FRMD4B: variants seen among roughly 807,000 people sequenced by gnomAD.
FRMD4B encodes FERM domain containing 4B.
Under a neutral mutation model 141.5 loss-of-function variants are expected in FRMD4B, and 74 were observed. That is an observed-to-expected ratio of 0.52 (90% confidence interval 0.43 to 0.63). The LOEUF is 0.63. Ranked by LOEUF, FRMD4B falls within the 30% of genes least tolerant of loss-of-function variation. The probability of loss-of-function intolerance (pLI) is 0.00; values close to 1 mark genes in which losing one functional copy is unlikely to be tolerated. For synonymous variants in FRMD4B, 506 were observed against 467.9 expected, an observed-to-expected ratio of 1.08 and a Z score of -1.05; for missense variants, 1,366 against 1,253.4, an observed-to-expected ratio of 1.09 and a Z score of -1.36.
At chr3:69,349,235 G>A (rs1358090183) in intron 1 of FRMD4B, among the ~76,000 whole-genome samples, 7 of 151,928 alleles carry the variant, frequency 4.6e-5, no homozygotes, top group East Asian at 3.9e-4. Flanking sequence ...TGCTTCAAAG[G>A]GAATAAAATA....
At chr3:69,420,380 C>T (rs1258348472) in intron 2 of FRMD4B, among the ~76,000 whole-genome samples, 1 of 151,706 alleles carries the variant, frequency 6.6e-6, no homozygotes, top group Non-Finnish European at 1.5e-5. Context: ...TCTACCTTAC[C>T]TTCATGATCA....
chr3:69,335,267 C>T (rs780048781), intron 1 of FRMD4B, among the ~76,000 whole-genome samples: 1 of 151,984 alleles, frequency 6.6e-6, no homozygotes, highest in African/African-American at 2.4e-5. Context: ...CTTGGCAGAT[C>T]TGAGAAAAGC....
chr3:69,341,840 T>C (rs552109352), intron 1 of FRMD4B, among the ~76,000 whole-genome samples: 4 of 152,322 alleles, frequency 2.6e-5, no homozygotes, highest in East Asian at 1.9e-4. Flanking sequence ...CCTTACCAAA[T>C]TGAGTGCCAG....
intron 20 of FRMD4B, 44 bp from the exon 21 acceptor site, chr3:69,181,754 G>C (rs750145740): frequency 1.0e-5 from 12 of 1,205,950 alleles, no homozygotes; most frequent in Non-Finnish European, 1.4e-5. Context: ...AAGAAGAAAA[G>C]GAGGACCCAA....
intron 2 of FRMD4B, among the ~76,000 whole-genome samples, chr3:69,406,145 A>G (rs1704645381): frequency 6.6e-6 from 1 of 152,198 alleles, no homozygotes; most frequent in African/African-American, 2.4e-5. Flanking sequence ...TTTTCCACAA[A>G]TCGAACACAA....
At chr3:69,188,512 C>G (rs1376690713) in intron 18 of FRMD4B, among the ~76,000 whole-genome samples, 1 of 152,038 alleles carries the variant, frequency 6.6e-6, no homozygotes, top group East Asian at 1.9e-4. Context: ...AATCCCAGCA[C>G]TTTGGGAGGC....
intron 1 of FRMD4B, among the ~76,000 whole-genome samples, chr3:69,436,510 A>G (rs1705262728): frequency 6.6e-6 from 1 of 152,244 alleles, no homozygotes; most frequent in African/African-American, 2.4e-5. Flanking sequence ...AAAATGGTGC[A>G]GCCACTATGA....
intron 1 of FRMD4B, among the ~76,000 whole-genome samples, chr3:69,363,977 C>T (rs781005387): frequency 2.6e-5 from 4 of 152,148 alleles, no homozygotes; most frequent in Admixed American, 2.6e-4. Flanking sequence ...TCTGTGTATT[C>T]TATGACATCA....
At chr3:69,205,935 G>T (rs1169050269) in intron 11 of FRMD4B, among the ~76,000 whole-genome samples, 1 of 152,192 alleles carries the variant, frequency 6.6e-6, no homozygotes, top group Non-Finnish European at 1.5e-5. Context: ...ACCCACTAGA[G>T]GGGCTTACAA....
intron 1 of FRMD4B, among the ~76,000 whole-genome samples, chr3:69,520,583 C>T (rs1700840094): frequency 6.6e-6 from 1 of 151,898 alleles, no homozygotes; most frequent in Non-Finnish European, 1.5e-5. Flanking sequence ...CTGGAAGCCA[C>T]TCAGTGTGAG....
chr3:69,255,372 T>C (rs2093486262), intron 5 of FRMD4B, among the ~76,000 whole-genome samples: 1 of 152,070 alleles, frequency 6.6e-6, no homozygotes, highest in African/African-American at 2.4e-5. Flanking sequence ...AAGTTTGAAA[T>C]TGTCTCATAA....
At chr3:69,211,254 G>C (rs2093076514) in intron 11 of FRMD4B, among the ~76,000 whole-genome samples, 1 of 152,066 alleles carries the variant, frequency 6.6e-6, no homozygotes, top group African/African-American at 2.4e-5. Context: ...CAATACCCTT[G>C]TGCAGATGAG....
intron 16 of FRMD4B, 46 bp downstream of exon 16, chr3:69,194,976 T>G (rs770856016): frequency 1.3e-6 from 2 of 1,561,684 alleles, no homozygotes; most frequent in Non-Finnish European, 1.8e-6. Flanking sequence ...TCAGACAGCT[T>G]TCCTGTCTTA....
intron 1 of FRMD4B, among the ~76,000 whole-genome samples, chr3:69,373,831 C>A (rs867280956): frequency 5.3e-5 from 8 of 152,280 alleles, no homozygotes; most frequent in Middle Eastern, 3.4e-3. Context: ...TATGATTGCA[C>A]CAATGCACTC....
chr3:69,311,366 AT>A lies in FRMD4B; in HGVS notation c.229-10del, dbSNP rs1701581814. 6.5e-7 allele frequency: 1 copy of A among 1,528,724 alleles called. No individual in the cohort carries two copies. The highest frequency in any genetic ancestry group is 1.7e-5 in the Admixed American group (1 of 59,072). The allele number at this position is 1,528,724 out of a possible 1,614,324, so 94.7% of individuals were successfully genotyped here. A position where few individuals can be genotyped will look rare whatever the true frequency, so the allele number is the denominator to read the frequency against. On this transcript the variant is annotated splice_polypyrimidine_tract_variant and intron_variant, in intron 2 of 22. Coordinates refer to ENST00000398540, the MANE Select transcript of FRMD4B (RefSeq NM_015123.3). ...CTTGCTAGAAGTTTGGGCTGTCAAA[AT>A]AAAAATCTGGTTAGAAGCAATTTGG... is the stretch of plus-strand genomic sequence containing the variant.
chr3:69,343,911 G>C (rs1702836436), intron 1 of FRMD4B, among the ~76,000 whole-genome samples: 1 of 152,082 alleles, frequency 6.6e-6, no homozygotes, highest in Non-Finnish European at 1.5e-5. Context: ...CCCCAAGAGT[G>C]AGTTGCAAAT....
chr3:69,489,845 G>A (rs936688004), intron 1 of FRMD4B, among the ~76,000 whole-genome samples: 4 of 152,172 alleles, frequency 2.6e-5, no homozygotes, highest in Non-Finnish European at 5.9e-5. Flanking sequence ...TTCATCAACT[G>A]ATGAATGGGT....
intron 1 of FRMD4B, among the ~76,000 whole-genome samples, chr3:69,474,528 G>A (rs1705950171): frequency 6.6e-6 from 1 of 152,134 alleles, no homozygotes; most frequent in South Asian, 2.1e-4. Context: ...GGGAAACAGT[G>A]GAGTTCCTGG....
At chr3:69,195,798 C>G (rs917085637) in intron 14 of FRMD4B, among the ~76,000 whole-genome samples, 1 of 152,024 alleles carries the variant, frequency 6.6e-6, no homozygotes, top group South Asian at 2.1e-4. Context: ...TTAGATGGGA[C>G]GAATCATTTT....
Sources: gnomAD v4.1 joint callset for allele counts (sites outside exome capture counted in the v4.1 genomes callset) on GRCh38, gnomAD v4.1.1 for gene constraint, MANE v1.5 for transcripts, NCBI Gene and HGNC (gene_info 2026-07-23, HGNC 2026-07-21) for gene names.